The following ARHGAP25 variants were observed in gnomAD, a reference collection of about 807,000 sequenced individuals.
ARHGAP25 encodes Rho GTPase activating protein 25, also known as rho GTPase-activating protein 25.
In ARHGAP25, 34 loss-of-function variants were observed where a neutral mutation model predicts 71.0. The observed-to-expected ratio is 0.48, with a 90% CI of 0.36 to 0.64. ARHGAP25 has a LOEUF of 0.64. ARHGAP25 is among the 30% of genes least tolerant of loss of function. The pLI is 0.00. For synonymous variants in ARHGAP25, 282 were observed against 296.5 expected, an observed-to-expected ratio of 0.95 and a Z score of 0.50; for missense variants, 706 against 805.1, an observed-to-expected ratio of 0.88 and a Z score of 1.49.
chr2:68,734,975 G>A lies in ARHGAP25; in HGVS notation c.-225G>A. On this transcript the variant is annotated 5_prime_UTR_variant, in exon 1 of 11. Coordinates refer to ENST00000409202, the MANE Select transcript of ARHGAP25 (RefSeq NM_001007231.3). ...GTGGGACTGAGGGTGGAGGCTGGGG[G>A]AGTTTGGGTGCCATCCTCCAGTGAC... The A allele has an allele frequency of 3.4e-6, 2 of 596,570 alleles. No individual in the cohort carries two copies. The highest frequency in any genetic ancestry group is 6.0e-6 in the Non-Finnish European group (2 of 335,236). The allele number at this position is 596,570 out of a possible 1,614,324, so 37.0% of individuals were successfully genotyped here.
chr2:68,769,445 A>G (rs1222052632), intron 1 of ARHGAP25, among the ~76,000 whole-genome samples: 1 of 152,114 alleles, frequency 6.6e-6, no homozygotes, highest in Non-Finnish European at 1.5e-5. Flanking sequence ...GAGATAGAAT[A>G]CGGCTTACCC....
intron 1 of ARHGAP25, among the ~76,000 whole-genome samples, chr2:68,748,609 A>C (rs546089988): frequency 6.6e-6 from 1 of 152,220 alleles, no homozygotes; most frequent in South Asian, 2.1e-4. Context: ...AGTGAAATTA[A>C]GTAAGTTAAA....
At chr2:68,811,265 G>A (rs566251299) in intron 5 of ARHGAP25, among the ~76,000 whole-genome samples, 1 of 152,268 alleles carries the variant, frequency 6.6e-6, no homozygotes, top group East Asian at 1.9e-4. Flanking sequence ...CTGATTGGAT[G>A]GGGGTGAAGG....
chr2:68,728,977 G>A (rs1674944809), intron 2 of ARHGAP25, among the ~76,000 whole-genome samples: 1 of 152,176 alleles, frequency 6.6e-6, no homozygotes. Flanking sequence ...AACATGCAAA[G>A]GGAAAGAAGC....
Position 68,787,938 on chromosome 2 carries a change from G to T in ARHGAP25, c.448G>T (p.Ala150Ser). ...GTGGGTTAAATTCCTCAGGAGAGTT[G>T]CTGGCACACCCTGTGGAGGTAAGGA... ...EEWVKFLRRVAGTPCGAVFGQ... is the reference protein window; with the variant it reads ...EEWVKFLRRVSGTPCGAVFGQ... Residue 150 changes from alanine to serine, a missense_variant, in exon 4 of 11, where the codon GCT becomes TCT. Transcript: ENST00000409202. 1 of 1,614,186 alleles carries T rather than the reference G, an allele frequency of 6.2e-7. No homozygotes were observed. Among genetic ancestry groups the T allele is most frequent in the Non-Finnish European group, 8.5e-7 (1 of 1,180,012 alleles).
intron 4 of ARHGAP25, among the ~76,000 whole-genome samples, chr2:68,790,281 T>G (rs1679078295): frequency 6.6e-6 from 1 of 152,210 alleles, no homozygotes; most frequent in African/African-American, 2.4e-5. Flanking sequence ...TGAGCCACCG[T>G]GCCCAGCCAC....
At chr2:68,757,982 G>A (rs1435949207) in intron 1 of ARHGAP25, among the ~76,000 whole-genome samples, 1 of 152,022 alleles carries the variant, frequency 6.6e-6, no homozygotes, top group Non-Finnish European at 1.5e-5. Flanking sequence ...GTGCAGAGCT[G>A]TTAAAGGAGC....
intron 1 of ARHGAP25, among the ~76,000 whole-genome samples, chr2:68,746,708 C>CT (rs532390253): frequency 6.6e-6 from 1 of 150,786 alleles, no homozygotes; most frequent in Non-Finnish European, 1.5e-5. Context: ...GGACCACCCC[C>CT]CTCCCCATCC....
intron 2 of ARHGAP25, among the ~76,000 whole-genome samples, chr2:68,716,965 A>G (rs1004356525): frequency 1.3e-5 from 2 of 152,214 alleles, no homozygotes; most frequent in African/African-American, 4.8e-5. Context: ...TTTCTGTTTT[A>G]GTTAAATACA....
upstream of ARHGAP25, among the ~76,000 whole-genome samples, chr2:68,730,651 GAA>G (rs199845152): frequency 0.13 from 15,044 of 117,342 alleles, 805 homozygotes; most frequent in Middle Eastern, 0.29. Flanking sequence ...CCCTGTCTCA[GAA>G]AAAAAAAAAA....
At chr2:68,802,740 G>A (rs1480717252) in intron 4 of ARHGAP25, among the ~76,000 whole-genome samples, 1 of 150,828 alleles carries the variant, frequency 6.6e-6, no homozygotes, top group Non-Finnish European at 1.5e-5. Context: ...AGAAAAGATG[G>A]AAATAGATAT....
intron 2 of ARHGAP25, among the ~76,000 whole-genome samples, chr2:68,722,473 G>T (rs527248199): frequency 9.5e-4 from 144 of 152,028 alleles, no homozygotes; most frequent in Non-Finnish European, 1.6e-3. Flanking sequence ...AGCTATTCGG[G>T]AGGCTGAGGC....
intron 4 of ARHGAP25, among the ~76,000 whole-genome samples, chr2:68,800,309 A>C (rs951517315): frequency 6.6e-6 from 1 of 152,032 alleles, no homozygotes; most frequent in Non-Finnish European, 1.5e-5. Context: ...CAAGGTAGGG[A>C]GGGAGGTGAC....
At chr2:68,718,115 G>T (rs1231628452) in intron 2 of ARHGAP25, among the ~76,000 whole-genome samples, 2 of 150,242 alleles carry the variant, frequency 1.3e-5, no homozygotes, top group East Asian at 3.9e-4. Context: ...GGGTTACAGA[G>T]AATTGGGAAC....
chr2:68,776,165 G>A (rs1677897246), intron 2 of ARHGAP25, among the ~76,000 whole-genome samples: 1 of 152,102 alleles, frequency 6.6e-6, no homozygotes, highest in Admixed American at 6.5e-5. Context: ...CCTGGCTGCG[G>A]AATAGCAAGG....
At chr2:68,726,201 A>G (rs527772654) in intron 2 of ARHGAP25, among the ~76,000 whole-genome samples, 4 of 152,356 alleles carry the variant, frequency 2.6e-5, no homozygotes, top group Admixed American at 2.6e-4. Context: ...CACCTAGAGC[A>G]CTGCCTGATC....
intron 1 of ARHGAP25, among the ~76,000 whole-genome samples, chr2:68,770,717 C>T (rs1464726304): frequency 1.3e-5 from 2 of 152,156 alleles, no homozygotes; most frequent in Non-Finnish European, 2.9e-5. Context: ...AATTCAGCAC[C>T]AACAGTCCAG....
intron 1 of ARHGAP25, among the ~76,000 whole-genome samples, chr2:68,739,708 C>T (rs368529173): frequency 1.4e-4 from 22 of 152,218 alleles, no homozygotes; most frequent in South Asian, 6.2e-4. Context: ...AAGAGCATGA[C>T]GGAGAGCCAC....
intron 2 of ARHGAP25, among the ~76,000 whole-genome samples, chr2:68,718,884 G>A (rs1252898627): frequency 1.3e-5 from 2 of 152,154 alleles, no homozygotes; most frequent in African/African-American, 4.8e-5. Context: ...ATGATTAGAA[G>A]CTTAGCACTT....
Sources: gnomAD v4.1 joint callset for allele counts (sites outside exome capture counted in the v4.1 genomes callset) on GRCh38, gnomAD v4.1.1 for gene constraint, MANE v1.5 for transcripts, NCBI Gene and HGNC (gene_info 2026-07-23, HGNC 2026-07-21) for gene names.